HERC3: variants seen among roughly 807,000 people sequenced by gnomAD.
HERC3 encodes probable E3 ubiquitin-protein ligase HERC3.
In HERC3, 58 loss-of-function variants were observed where a neutral mutation model predicts 129.9. That is an observed-to-expected ratio of 0.45 (90% CI 0.36 to 0.56). HERC3 has a LOEUF of 0.56. Among genes scored for constraint, HERC3 ranks in the 20% least tolerant of loss-of-function variants. HERC3 has a pLI of 0.00. For missense variants in HERC3, 835 were observed against 1,244.2 expected (o/e 0.67, Z 4.95); for synonymous variants, 430 against 451.0 (o/e 0.95, Z 0.59).
upstream of HERC3, among the ~76,000 whole-genome samples, chr4:88,590,224 C>T (rs372420994): frequency 3.3e-5 from 5 of 151,826 alleles, no homozygotes; most frequent in East Asian, 9.7e-4. Context: ...GCAGAGATCG[C>T]GCCACTGCAC....
intron 8 of HERC3, among the ~76,000 whole-genome samples, chr4:88,655,588 T>G (rs982312944): frequency 6.6e-6 from 1 of 152,230 alleles, no homozygotes; most frequent in African/African-American, 2.4e-5. Context: ...CCAAAGAACT[T>G]CTTGGAAATT....
chr4:88,636,184 A>G (rs756419214), intron 3 of HERC3, among the ~76,000 whole-genome samples: 2 of 152,236 alleles, frequency 1.3e-5, no homozygotes, highest in African/African-American at 4.8e-5. Context: ...AAATGCCCCA[A>G]TTAAAAGATA....
At chr4:88,617,591 G>A (rs926106904) in intron 3 of HERC3, among the ~76,000 whole-genome samples, 3 of 152,188 alleles carry the variant, frequency 2.0e-5, no homozygotes, top group Non-Finnish European at 2.9e-5. Flanking sequence ...AAATAGGGAG[G>A]CTGGGTGCAG....
chr4:88,647,054 T>C (rs1401688559), intron 3 of HERC3, among the ~76,000 whole-genome samples: 1 of 151,990 alleles, frequency 6.6e-6, no homozygotes, highest in Non-Finnish European at 1.5e-5. Flanking sequence ...CTTGCAAAAA[T>C]GTAAGGAATG....
chr4:88,614,606 CT>C (rs1465875713), intron 3 of HERC3, among the ~76,000 whole-genome samples: 1 of 152,126 alleles, frequency 6.6e-6, no homozygotes, highest in Non-Finnish European at 1.5e-5. Context: ...TGTCAGCTGC[CT>C]TTTTAAGCTC....
chr4:88,543,997 G>A, the HERC3 span, among the ~76,000 whole-genome samples: 2 of 152,124 alleles, frequency 1.3e-5, no homozygotes, highest in African/African-American at 4.8e-5. Context: ...TACCATTCAG[G>A]ACATAGGCAT....
At position 88,704,585 on chromosome 4, in the gene HERC3, A is replaced by G. The variant is rs1306463210; in HGVS notation, c.2919A>G (p.Pro973=). The change falls in exon 25 of 26, where the codon CCA becomes CCG. Residue 973 remains proline, a synonymous_variant. Coordinates refer to ENST00000402738, the MANE Select transcript of HERC3 (RefSeq NM_014606.3). The part of the protein sequence containing the change: ...KLFWETFHEF[P]LEKKKKFLLF... Reference sequence around the variant, plus strand: ...TTTGGGAAACATTTCATGAGTTTCCATTGGAAAAGAAGAAGAAGTTTCTCT... The same window carrying G: ...TTTGGGAAACATTTCATGAGTTTCCGTTGGAAAAGAAGAAGAAGTTTCTCT... 2 of 1,602,362 alleles carry G rather than the reference A, an allele frequency of 1.2e-6. No homozygotes were observed. Among genetic ancestry groups the G allele is most frequent in the Non-Finnish European group, 8.6e-7 (1 of 1,169,324 alleles).
chr4:88,664,099 A>G, intron 11 of HERC3, 54 bp from the exon 12 acceptor site: 1 of 1,464,568 alleles, frequency 6.8e-7, no homozygotes, highest in Admixed American at 1.8e-5. Context: ...TGCTTAAATA[A>G]CCATTTATTT....
intron 23 of HERC3, among the ~76,000 whole-genome samples, chr4:88,687,680 G>T (rs1733625236): frequency 6.6e-6 from 1 of 152,172 alleles, no homozygotes; most frequent in Non-Finnish European, 1.5e-5. Flanking sequence ...TGGACTCCCA[G>T]CATCTAGCAC....
intron 3 of HERC3, among the ~76,000 whole-genome samples, chr4:88,636,668 C>T (rs892835490): frequency 6.6e-6 from 1 of 152,218 alleles, no homozygotes; most frequent in African/African-American, 2.4e-5. Flanking sequence ...GAGCTCTCCA[C>T]CCCAAAACAA....
the HERC3 span, among the ~76,000 whole-genome samples, chr4:88,535,491 TCC>T: frequency 2.0e-5 from 3 of 152,306 alleles, no homozygotes; most frequent in African/African-American, 7.2e-5. Flanking sequence ...AAATTTACTA[TCC>T]ACTCACCTAC....
intron 3 of HERC3, among the ~76,000 whole-genome samples, chr4:88,612,300 TGTGTGTGTGTGTG>T (rs1388033802): frequency 7.5e-6 from 1 of 133,666 alleles, no homozygotes; most frequent in East Asian, 3.6e-4. Flanking sequence ...TGTGTGTGTG[TGTGTGTGTGTGTG>T]TGTGTGTGTG....
chr4:88,698,103 A>G lies in HERC3; in HGVS notation c.2658-5995A>G, dbSNP rs72867765. The stretch of plus-strand genomic sequence containing the variant: ...AGCTGCCCGAGGTGCTTCTTCAGGA[A>G]CTGCATAGATGGCCTCAGACCATTT... On this transcript the variant is annotated intron_variant, in intron 23 of 25. Coordinates refer to ENST00000402738, the MANE Select transcript of HERC3 (RefSeq NM_014606.3). 5.2e-3 allele frequency among the ~76,000 whole-genome samples: 789 copies of G among 152,218 alleles called. 7 individuals are homozygous for G. The highest frequency in any genetic ancestry group is 0.018 in the African/African-American group (762 of 41,522).
the HERC3 span, among the ~76,000 whole-genome samples, chr4:88,565,216 C>T: frequency 0.45 from 67,724 of 151,838 alleles, 18,609 homozygotes; most frequent in African/African-American, 0.77. Context: ...TCTACAGCCA[C>T]TGGATAAAAT....
the HERC3 span, among the ~76,000 whole-genome samples, chr4:88,549,144 A>C: frequency 0.14 from 21,692 of 152,150 alleles, 1,803 homozygotes; most frequent in Admixed American, 0.23. Context: ...TCTTAGAACC[A>C]TTGTCAGTGA....
upstream of HERC3, among the ~76,000 whole-genome samples, chr4:88,589,987 G>C (rs1191303282): frequency 1.3e-5 from 2 of 152,122 alleles, no homozygotes; most frequent in African/African-American, 4.8e-5. Flanking sequence ...CACTTGAGCC[G>C]GCCGGCACGG....
At chr4:88,528,846 G>C in the HERC3 span, among the ~76,000 whole-genome samples, 1 of 151,928 alleles carries the variant, frequency 6.6e-6, no homozygotes, top group African/African-American at 2.4e-5. Context: ...TATCAGCTAA[G>C]GTTTTGTTAA....
chr4:88,554,364 A>C, the HERC3 span, among the ~76,000 whole-genome samples: 2 of 151,530 alleles, frequency 1.3e-5, no homozygotes, highest in African/African-American at 2.4e-5. Flanking sequence ...AAAAAAAAAA[A>C]GGTATCCTGG....
chr4:88,544,938 A>G, the HERC3 span, among the ~76,000 whole-genome samples: 2 of 152,134 alleles, frequency 1.3e-5, no homozygotes, highest in Non-Finnish European at 2.9e-5. Flanking sequence ...CATTAGGAGA[A>G]ATACCTAATG....
Sources: allele counts gnomAD v4.1 joint callset (sites outside exome capture counted in the v4.1 genomes callset), GRCh38; gene constraint gnomAD v4.1.1; transcripts MANE v1.5; gene names NCBI Gene and HGNC (gene_info 2026-07-23, HGNC 2026-07-21).